DNAH5: variants seen among roughly 807,000 people sequenced by gnomAD.
The protein encoded by DNAH5 is axonemal beta dynein heavy chain 5.
Under a neutral mutation model 518.2 loss-of-function variants are expected in DNAH5, and 372 were observed. The observed-to-expected ratio is 0.72, with a 90% confidence interval of 0.66 to 0.78. The LOEUF (loss-of-function observed/expected upper bound fraction) is 0.78. Ranked by LOEUF, DNAH5 falls within the 30% of genes least tolerant of loss-of-function variation. The pLI is 0.00. For synonymous variants in DNAH5, 2,039 were observed against 2,025.9 expected (o/e 1.01, Z -0.17); for missense variants, 5,523 against 5,687.0 (o/e 0.97, Z 0.93).
intron 5 of DNAH5, among the ~76,000 whole-genome samples, chr5:13,921,185 T>A (rs1007103662): frequency 6.6e-6 from 1 of 152,124 alleles, no homozygotes; most frequent in Non-Finnish European, 1.5e-5. Context: ...CAAATATAAT[T>A]TGGGTGTTAG....
At chr5:13,907,824 G>A (rs1434883668) in intron 12 of DNAH5, among the ~76,000 whole-genome samples, 2 of 152,128 alleles carry the variant, frequency 1.3e-5, no homozygotes, top group African/African-American at 4.8e-5. Context: ...AAGACAAAGT[G>A]AACAACTTTT....
chr5:13,968,677 G>T (rs1381360906), intron 1 of DNAH5, among the ~76,000 whole-genome samples: 1 of 152,148 alleles, frequency 6.6e-6, no homozygotes, highest in African/African-American at 2.4e-5. Flanking sequence ...ATTGATCATG[G>T]TGAATTATCT....
intron 70 of DNAH5, among the ~76,000 whole-genome samples, chr5:13,725,342 C>T (rs1404985080): frequency 1.3e-5 from 2 of 152,224 alleles, no homozygotes; most frequent in Non-Finnish European, 2.9e-5. Flanking sequence ...AGAGCATGTG[C>T]ATTCTATGCA....
chr5:14,002,283 G>A (rs750896742), intron 1 of DNAH5, among the ~76,000 whole-genome samples: 188 of 152,278 alleles, frequency 1.2e-3, no homozygotes, highest in Non-Finnish European at 2.2e-3. Flanking sequence ...CTAATGAAGT[G>A]CATATGTGTA....
At chr5:14,008,920 G>A (rs1784918006) in intron 1 of DNAH5, among the ~76,000 whole-genome samples, 1 of 152,212 alleles carries the variant, frequency 6.6e-6, no homozygotes, top group African/African-American at 2.4e-5. Flanking sequence ...TTCACCCCAT[G>A]CATCGGGCCT....
At chr5:13,790,800 GT>G (rs1290925216) in intron 50 of DNAH5, among the ~76,000 whole-genome samples, 5 of 152,130 alleles carry the variant, frequency 3.3e-5, no homozygotes, top group African/African-American at 4.8e-5. Flanking sequence ...GTCTCCAGCA[GT>G]TTTTATACCA....
At position 13,811,668 on chromosome 5, in the gene DNAH5, A is replaced by T; in HGVS notation, c.7386T>A (p.Leu2462=). 6.2e-7 allele frequency: 1 copy of T among 1,614,170 alleles called. No individual in the cohort carries two copies. Among genetic ancestry groups the T allele is most frequent in the Non-Finnish European group, 8.5e-7 (1 of 1,180,016 alleles). The part of the protein sequence containing the change: ...AFVITQSINM[L]QGLIPLKEQG... ...TTACCTTCAGAGGAATCAGGCCTTG[A>T]AGCATGTTAATGCTCTGTGTGATGA... The change falls in exon 44 of 79, where the codon CTT becomes CTA. Residue 2462 remains leucine (L), a synonymous_variant. Coordinates refer to ENST00000265104, the MANE Select transcript of DNAH5 (RefSeq NM_001369.3).
chr5:13,852,566 G>T (rs1767033692), intron 30 of DNAH5, among the ~76,000 whole-genome samples: 1 of 152,146 alleles, frequency 6.6e-6, no homozygotes, highest in African/African-American at 2.4e-5. Context: ...TAGCCAGGTG[G>T]TCTTGCTCAG....
chr5:13,959,070 T>C (rs1044376234), intron 1 of DNAH5, among the ~76,000 whole-genome samples: 1 of 152,164 alleles, frequency 6.6e-6, no homozygotes, highest in Admixed American at 6.5e-5. Flanking sequence ...GCAATTCTCC[T>C]GCCTCAGCTA....
Position 13,812,141 on chromosome 5 carries a change from G to A in DNAH5, c.7231-318C>T, listed in dbSNP as rs1363917599. Among the ~76,000 whole-genome samples the A allele has an allele frequency of 2.6e-5, 4 of 152,232 alleles. No homozygotes were observed. In the East Asian group the frequency reaches 5.8e-4, roughly 22 times the overall value. ...CAGAATTCAGACCCAGAAAGCCTGG[G>A]CCTACATGTTCAGCTACTACACTAT... On this transcript the variant is annotated intron_variant, in intron 43 of 78. Coordinates refer to ENST00000265104, the MANE Select transcript of DNAH5 (RefSeq NM_001369.3).
intron 29 of DNAH5, among the ~76,000 whole-genome samples, chr5:13,861,879 G>A (rs1310999331): frequency 2.0e-5 from 3 of 150,168 alleles, no homozygotes; most frequent in Non-Finnish European, 4.4e-5. Flanking sequence ...CTTGAGCCAG[G>A]GAGGCTGAGG....
chr5:13,831,592 G>A (rs1763675340), intron 35 of DNAH5, among the ~76,000 whole-genome samples: 1 of 152,198 alleles, frequency 6.6e-6, no homozygotes, highest in African/African-American at 2.4e-5. Context: ...TGCACCAGCT[G>A]GGGGTGGTTC....
At chr5:13,974,962 G>A (rs1050517180) in intron 1 of DNAH5, among the ~76,000 whole-genome samples, 6 of 152,182 alleles carry the variant, frequency 3.9e-5, no homozygotes, top group Non-Finnish European at 5.9e-5. Context: ...GAGCTGGGGA[G>A]TATTGATGAG....
At chr5:13,941,250 G>A (rs1434495327) in intron 1 of DNAH5, among the ~76,000 whole-genome samples, 1 of 152,182 alleles carries the variant, frequency 6.6e-6, no homozygotes, top group Non-Finnish European at 1.5e-5. Context: ...CCCAGCTACT[G>A]AGGAGGCTGA....
chr5:13,786,698 T>A (rs1001139374), intron 51 of DNAH5, among the ~76,000 whole-genome samples: 1 of 151,348 alleles, frequency 6.6e-6, no homozygotes, highest in African/African-American at 2.4e-5. Flanking sequence ...GCAAGGGAGG[T>A]CAAGAATTAC....
rs187765684 is a variant in DNAH5, at chr5:13,856,876, C to T, written c.4950+2576G>A. Reference sequence around the variant, plus strand: ...GAAACACAACTCAAAATAATAAGAGCGATTTATGACAAATCCACAGCCAAT... The same window carrying T: ...GAAACACAACTCAAAATAATAAGAGTGATTTATGACAAATCCACAGCCAAT... On this transcript the variant is annotated intron_variant, in intron 30 of 78. Coordinates refer to ENST00000265104, the MANE Select transcript of DNAH5 (RefSeq NM_001369.3). 3.6e-3 allele frequency among the ~76,000 whole-genome samples: 554 copies of T among 152,172 alleles called. 4 individuals are homozygous for T. The highest frequency in any genetic ancestry group is 0.012 in the African/African-American group (512 of 41,520).
chr5:13,759,077 T>C (rs576196735), intron 60 of DNAH5, 94 bp from the exon 61 acceptor site: 28 of 1,545,462 alleles, frequency 1.8e-5, no homozygotes, highest in Non-Finnish European at 2.4e-5. Flanking sequence ...GTCACATGTT[T>C]ATACCTTTGC....
At chr5:13,981,238 A>G (rs1263844400) in intron 1 of DNAH5, among the ~76,000 whole-genome samples, 2 of 152,192 alleles carry the variant, frequency 1.3e-5, no homozygotes, top group African/African-American at 4.8e-5. Flanking sequence ...ACGTGTGTTG[A>G]GTGAAAATCC....
At chr5:13,834,774 A>G (rs1340843603) in intron 35 of DNAH5, among the ~76,000 whole-genome samples, 1 of 152,196 alleles carries the variant, frequency 6.6e-6, no homozygotes, top group East Asian at 1.9e-4. Context: ...AGGTGGCCTG[A>G]GCTGAATGAG....
Sources: gnomAD v4.1 joint callset for allele counts (sites outside exome capture counted in the v4.1 genomes callset) on GRCh38, gnomAD v4.1.1 for gene constraint, MANE v1.5 for transcripts, NCBI Gene and HGNC (gene_info 2026-07-23, HGNC 2026-07-21) for gene names.